NUP37: variants seen among roughly 807,000 people sequenced by gnomAD.
NUP37 encodes the protein nucleoporin Nup37.
NUP37 carries 33 observed loss-of-function variants against 45.4 expected under a neutral mutation model. The observed-to-expected ratio is 0.73, with a 90% CI of 0.55 to 0.97. NUP37 has a LOEUF of 0.97. Ranked by LOEUF, NUP37 falls within the 50% of genes least tolerant of loss-of-function variation. NUP37 has a pLI of 0.00. For missense variants in NUP37, 365 were observed against 389.7 expected (o/e 0.94, Z 0.53); for synonymous variants, 127 against 130.7 (o/e 0.97, Z 0.19).
intron 6 of NUP37, among the ~76,000 whole-genome samples, chr12:102,078,243 T>C (rs994637858): frequency 6.6e-6 from 1 of 151,958 alleles, no homozygotes; most frequent in Non-Finnish European, 1.5e-5. Context: ...GCAGAACTGC[T>C]TGAATCCGAG....
chr12:102,079,213 A>G (rs768695110), intron 6 of NUP37: 1 of 456,028 alleles, frequency 2.2e-6, no homozygotes, highest in Admixed American at 2.3e-5. Context: ...GTTATCTTTC[A>G]TATCTGTAAA....
At chr12:102,077,834 C>T (rs1879218986) in intron 6 of NUP37, among the ~76,000 whole-genome samples, 1 of 152,082 alleles carries the variant, frequency 6.6e-6, no homozygotes, top group South Asian at 2.1e-4. Context: ...AGACTTGGGT[C>T]CCATTCCCAA....
chr12:102,111,998 G>T, intron 3 of NUP37, 110 bp downstream of exon 3: 3 of 1,001,602 alleles, frequency 3.0e-6, no homozygotes, highest in Non-Finnish European at 4.5e-6. Flanking sequence ...CTAATATCTT[G>T]GATTGTGGAA....
At chr12:102,075,129 A>G (rs1410866480) in intron 8 of NUP37, 35 bp from the exon 9 acceptor site, 1 of 1,316,228 alleles carries the variant, frequency 7.6e-7, no homozygotes, top group Admixed American at 2.0e-5. Context: ...TAAGTATCGT[A>G]TCCTATGGAT....
At chr12:102,076,661 AAG>A in intron 8 of NUP37, 134 bp downstream of exon 8, 1 of 641,338 alleles carries the variant, frequency 1.6e-6, no homozygotes, top group South Asian at 2.1e-5. Flanking sequence ...TTAGTCGGGA[AAG>A]TAAAATAACC....
intron 6 of NUP37, among the ~76,000 whole-genome samples, chr12:102,084,448 C>T (rs1879412749): frequency 6.7e-6 from 1 of 149,758 alleles, no homozygotes; most frequent in Non-Finnish European, 1.5e-5. Flanking sequence ...GAGTTTGAAA[C>T]CAGCTTGGGT....
At chr12:102,109,378 A>G (rs1300082689) in intron 3 of NUP37, among the ~76,000 whole-genome samples, 1 of 152,218 alleles carries the variant, frequency 6.6e-6, no homozygotes, top group Non-Finnish European at 1.5e-5. Context: ...GTGATAGACT[A>G]CTATTTATTT....
chr12:102,103,600 C>T (rs1880037698), intron 3 of NUP37, among the ~76,000 whole-genome samples: 2 of 152,046 alleles, frequency 1.3e-5, no homozygotes, highest in Non-Finnish European at 2.9e-5. Context: ...ATTGCTCTGG[C>T]TAGGACTTCA....
chr12:102,101,166 TC>T (rs1321898098), intron 3 of NUP37, 62 bp from the exon 4 acceptor site: 42 of 794,662 alleles, frequency 5.3e-5, no homozygotes, highest in Middle Eastern at 4.6e-4. Context: ...GGTCTCCCCC[TC>T]CCCCCCATCC....
intron 5 of NUP37, among the ~76,000 whole-genome samples, chr12:102,086,231 C>T (rs577877175): frequency 2.5e-4 from 38 of 152,210 alleles, no homozygotes; most frequent in Non-Finnish European, 4.1e-4. Flanking sequence ...TTTCAACTGA[C>T]GATAATTACT....
chr12:102,089,365 C>A (rs1217007911), intron 5 of NUP37, among the ~76,000 whole-genome samples: 5 of 143,316 alleles, frequency 3.5e-5, no homozygotes, highest in Non-Finnish European at 7.6e-5. Context: ...GACTGGGTGG[C>A]GGCCGGGCAG....
chr12:102,083,498 G>C (rs1045390653), intron 6 of NUP37, among the ~76,000 whole-genome samples: 1 of 152,184 alleles, frequency 6.6e-6, no homozygotes, highest in East Asian at 1.9e-4. Context: ...TGAAAGCTGC[G>C]AGAAGATTTG....
Position 102,075,096 on chromosome 12 carries a change from T to C in NUP37, c.774-2A>G. The C allele has an allele frequency of 6.3e-7, 1 of 1,592,740 alleles. No homozygotes were observed. The highest frequency in any genetic ancestry group is 8.6e-7 in the Non-Finnish European group (1 of 1,163,966). On this transcript the variant is annotated splice_acceptor_variant, in intron 8 of 9. Transcript: ENST00000552283. LOFTEE classifies it high-confidence loss of function. ...AGATTTTCACTAATTGTGGACCACC[T>C]AAGAAATAAGGAAGCGTAAAATTAA...
At chr12:102,119,548 G>C (rs1484971302) in intron 1 of NUP37, 1 of 152,174 alleles carries the variant, frequency 6.6e-6, no homozygotes, top group Non-Finnish European at 1.5e-5. Flanking sequence ...TCGACACAAG[G>C]GTTGTCCTGA....
intron 5 of NUP37, among the ~76,000 whole-genome samples, chr12:102,092,348 GATTA>G (rs1463072124): frequency 5.9e-5 from 9 of 152,268 alleles, no homozygotes; most frequent in Non-Finnish European, 1.0e-4. Flanking sequence ...TCTGTGTATT[GATTA>G]ATTAAGTAAG....
chr12:102,078,341 A>G (rs1879239414), intron 6 of NUP37, among the ~76,000 whole-genome samples: 2 of 151,866 alleles, frequency 1.3e-5, no homozygotes, highest in Non-Finnish European at 2.9e-5. Context: ...AAAAAAAAAA[A>G]GATTTTGAGA....
intron 5 of NUP37, among the ~76,000 whole-genome samples, chr12:102,091,511 A>G (rs1000617310): frequency 1.3e-5 from 2 of 152,174 alleles, no homozygotes; most frequent in Admixed American, 1.3e-4. Context: ...TTCTCAAAGC[A>G]TAAAAGTATA....
chr12:102,089,640 G>A (rs1487872745), intron 5 of NUP37, among the ~76,000 whole-genome samples: 13 of 139,466 alleles, frequency 9.3e-5, no homozygotes, highest in Admixed American at 4.3e-4. Context: ...CATCCCAGAC[G>A]ATGAGCGGCT....
chr12:102,110,850 GA>G (rs1440704685), intron 3 of NUP37, among the ~76,000 whole-genome samples: 1 of 152,140 alleles, frequency 6.6e-6, no homozygotes, highest in African/African-American at 2.4e-5. Flanking sequence ...GTCTCAAAAT[GA>G]ATGAATGAGT....
Sources: allele counts gnomAD v4.1 joint callset (sites outside exome capture counted in the v4.1 genomes callset), GRCh38; gene constraint gnomAD v4.1.1; transcripts MANE v1.5; gene names NCBI Gene and HGNC (gene_info 2026-07-23, HGNC 2026-07-21).